The following ACACA variants were observed in gnomAD, a reference collection of about 807,000 sequenced individuals.
ACACA encodes acetyl-CoA carboxylase alpha.
Under a neutral mutation model 296.1 loss-of-function variants are expected in ACACA, and 103 were observed. That is an observed-to-expected ratio of 0.35 (90% CI 0.30 to 0.41). The LOEUF is 0.41. Among genes scored for constraint, ACACA ranks in the 10% least tolerant of loss-of-function variants. ACACA has a pLI of 1.00. For missense variants in ACACA, 1,554 were observed against 2,989.7 expected (o/e 0.52, Z 11.20); for synonymous variants, 953 against 1,038.6 (o/e 0.92, Z 1.58).
intron 41 of ACACA, among the ~76,000 whole-genome samples, chr17:37,175,322 A>G (rs180867574): frequency 2.2e-4 from 34 of 152,362 alleles, no homozygotes; most frequent in African/African-American, 8.2e-4. Flanking sequence ...TCTTAGCCTG[A>G]GCTTTTTAAT....
At chr17:37,342,877 G>C (rs1173122646) in intron 1 of ACACA, among the ~76,000 whole-genome samples, 2 of 151,988 alleles carry the variant, frequency 1.3e-5, no homozygotes, top group Non-Finnish European at 2.9e-5. Context: ...GAAGGTTGAG[G>C]CTGAAGTGCC....
At chr17:37,366,533 A>G (rs961900834) in intron 1 of ACACA, among the ~76,000 whole-genome samples, 2 of 149,912 alleles carry the variant, frequency 1.3e-5, no homozygotes, top group Admixed American at 6.7e-5. Flanking sequence ...CAGTGGCACG[A>G]TATCAGCTCA....
intron 3 of ACACA, among the ~76,000 whole-genome samples, chr17:37,314,690 A>C (rs1485311613): frequency 7.3e-6 from 1 of 137,312 alleles, no homozygotes; most frequent in East Asian, 2.1e-4. Flanking sequence ...ACCAGGCTGG[A>C]AGTACAGTGG....
At chr17:37,181,157 T>C (rs1265025913) in intron 40 of ACACA, 44 bp downstream of exon 40, 2 of 1,610,442 alleles carry the variant, frequency 1.2e-6, no homozygotes, top group Admixed American at 1.7e-5. Context: ...CAGGGAAACC[T>C]TGCCTCCTTA....
chr17:37,334,429 C>T (rs935355104), intron 2 of ACACA, among the ~76,000 whole-genome samples: 28 of 152,094 alleles, frequency 1.8e-4, no homozygotes, highest in African/African-American at 6.5e-4. Flanking sequence ...CCTCTAATTC[C>T]CCATCCCTAG....
chr17:37,274,338 C>A, intron 8 of ACACA, 39 bp from the exon 9 acceptor site: 1 of 1,536,754 alleles, frequency 6.5e-7, no homozygotes, highest in Non-Finnish European at 9.0e-7. Flanking sequence ...ATTACAAGAT[C>A]TTCTGCTCTT....
chr17:37,397,739 T>C (rs1242848200), intron 1 of ACACA, among the ~76,000 whole-genome samples: 1 of 152,158 alleles, frequency 6.6e-6, no homozygotes, highest in Non-Finnish European at 1.5e-5. Flanking sequence ...TGAACTTCGA[T>C]CCATGTTTAT....
At chr17:37,361,945 C>A (rs1421000634) in intron 1 of ACACA, among the ~76,000 whole-genome samples, 6 of 152,168 alleles carry the variant, frequency 3.9e-5, no homozygotes, top group Non-Finnish European at 7.3e-5. Context: ...GAAGTCCTAA[C>A]CCCTAATACC....
At chr17:37,354,291 G>T (rs914573262) in intron 1 of ACACA, among the ~76,000 whole-genome samples, 16 of 152,108 alleles carry the variant, frequency 1.1e-4, no homozygotes, top group African/African-American at 3.1e-4. Context: ...CAACATCATC[G>T]AAAGGCAAGA....
chr17:37,325,277 A>G (rs558219111), intron 3 of ACACA, among the ~76,000 whole-genome samples: 53 of 151,630 alleles, frequency 3.5e-4, no homozygotes, highest in African/African-American at 1.3e-3. Flanking sequence ...AAGGGAGGAG[A>G]ATTGCTTGAA....
intron 1 of ACACA, among the ~76,000 whole-genome samples, chr17:37,402,145 G>GT (rs904760742): frequency 1.3e-5 from 2 of 152,072 alleles, no homozygotes; most frequent in African/African-American, 2.4e-5. Context: ...GACAAAAGGT[G>GT]TTTTTTTGGG....
chr17:37,348,732 C>T (rs992916911), intron 1 of ACACA, among the ~76,000 whole-genome samples: 1 of 151,750 alleles, frequency 6.6e-6, no homozygotes, highest in Non-Finnish European at 1.5e-5. Context: ...GAGGCAGAGA[C>T]GGGCGGATCA....
At chr17:37,204,849 AGGT>A (rs1230850067) in intron 33 of ACACA, among the ~76,000 whole-genome samples, 1 of 152,240 alleles carries the variant, frequency 6.6e-6, no homozygotes, top group Non-Finnish European at 1.5e-5. Context: ...GGTATTCTGA[AGGT>A]CAGAGAGAAT....
intron 48 of ACACA, among the ~76,000 whole-genome samples, chr17:37,125,467 A>C (rs1428179486): frequency 6.6e-6 from 1 of 152,200 alleles, no homozygotes; most frequent in South Asian, 2.1e-4. Context: ...TATAAAAAGG[A>C]AGTGTTGTCA....
intron 25 of ACACA, among the ~76,000 whole-genome samples, chr17:37,227,063 T>C (rs1394502416): frequency 1.3e-5 from 2 of 152,158 alleles, no homozygotes; most frequent in Non-Finnish European, 2.9e-5. Context: ...CCATGATACT[T>C]AAACATGTGA....
Position 37,202,706 on chromosome 17 carries a change from TATATATACACAC to T in ACACA, c.4057-2235_4057-2224del, listed in dbSNP as rs1302974933. On this transcript the variant is annotated intron_variant, in intron 33 of 55. Coordinates refer to ENST00000616317, the MANE Select transcript of ACACA (RefSeq NM_198834.3). ...ATATATATATATATATATATATATA[TATATATACACAC>T]ACACATATATTTTAACAAGGAGATG... Among the ~76,000 whole-genome samples, 80 of 22,652 alleles carry T rather than the reference TATATATACACAC, an allele frequency of 3.5e-3. 3 individuals are homozygous for T. Among genetic ancestry groups the T allele is most frequent in the African/African-American group, 0.018 (72 of 3,948 alleles). 14.9% of individuals were successfully genotyped at this position (22,652 alleles called of 152,430 possible).
intron 36 of ACACA, 103 bp downstream of exon 36, chr17:37,193,271 G>T: frequency 2.3e-6 from 2 of 882,584 alleles, no homozygotes; most frequent in South Asian, 1.5e-5. Flanking sequence ...TTCAATAAGA[G>T]AAAAAAGAAT....
At chr17:37,365,268 G>A (rs2049567054) in intron 1 of ACACA, among the ~76,000 whole-genome samples, 1 of 152,144 alleles carries the variant, frequency 6.6e-6, no homozygotes, top group Non-Finnish European at 1.5e-5. Context: ...CCACAGTTCA[G>A]AATTTAATTA....
chr17:37,236,070 C>T (rs932176901), intron 24 of ACACA, among the ~76,000 whole-genome samples: 18 of 152,148 alleles, frequency 1.2e-4, no homozygotes, highest in Admixed American at 4.6e-4. Flanking sequence ...AAAGGATTAT[C>T]ACCTCAGTTC....
Sources: allele counts gnomAD v4.1 joint callset (sites outside exome capture counted in the v4.1 genomes callset), GRCh38; gene constraint gnomAD v4.1.1; transcripts MANE v1.5; gene names NCBI Gene and HGNC (gene_info 2026-07-23, HGNC 2026-07-21).